ZNF792: variants seen among roughly 807,000 people sequenced by gnomAD.
The protein encoded by ZNF792 is zinc finger protein 792.
A neutral mutation model predicts 13.1 loss-of-function variants in ZNF792; 14 were observed. That is an observed-to-expected ratio of 1.07 (90% confidence interval 0.71 to 1.67). ZNF792 has a LOEUF of 1.67. Among genes scored for constraint, ZNF792 ranks in the 40% most tolerant of loss-of-function variants. The pLI, the probability that ZNF792 is intolerant of heterozygous loss-of-function variation, is 0.00. For missense variants in ZNF792, 740 were observed against 807.9 expected, an observed-to-expected ratio of 0.92 and a Z score of 1.02; for synonymous variants, 257 against 292.0, an observed-to-expected ratio of 0.88 and a Z score of 1.22.
rs1314644484 is a variant in ZNF792, at chr19:34,957,067, G to A, written c.*889C>T. On this transcript the variant is annotated 3_prime_UTR_variant, in exon 4 of 4. Transcript: ENST00000404801. The stretch of plus-strand genomic sequence containing the variant: ...TTCTGTACAAATTATGGTCCCAGCT[G>A]GGCCTGGTATGTCTTACAGTTAAGA... The A allele has an allele frequency of 6.6e-6, 1 of 152,176 alleles. No individual in the cohort carries two copies. The highest frequency in any genetic ancestry group is 1.5e-5 in the Non-Finnish European group (1 of 68,046). The allele number at this position is 152,176 out of a possible 1,614,324, so 9.4% of individuals were successfully genotyped here. A position where few individuals can be genotyped will look rare whatever the true frequency, so the allele number is the denominator to read the frequency against.
intron 1 of ZNF792, among the ~76,000 whole-genome samples, chr19:34,961,379 C>A (rs1298725880): frequency 6.6e-6 from 1 of 152,180 alleles, no homozygotes; most frequent in Non-Finnish European, 1.5e-5. Context: ...CAGCTCCAGA[C>A]CTTCACCACG....
At position 34,961,009 on chromosome 19, in the gene ZNF792, A is replaced by G; in HGVS notation, c.34-15T>C. ...GTCACGCAGCCCTGCCATGATGGGG[A>G]CAGTTCGTTCCATGATCAGTCTCTG... On this transcript the variant is annotated splice_polypyrimidine_tract_variant and intron_variant, in intron 1 of 3. Coordinates refer to ENST00000404801, the MANE Select transcript of ZNF792 (RefSeq NM_175872.5). The G allele has an allele frequency of 6.2e-7, 1 of 1,607,976 alleles. No homozygotes were observed. The highest frequency in any genetic ancestry group is 8.5e-7 in the Non-Finnish European group (1 of 1,176,314).
chr19:34,963,899 G>A lies in ZNF792; in HGVS notation c.-237C>T. 2 of 521,356 alleles carry A rather than the reference G, an allele frequency of 3.8e-6. No homozygotes were observed. Among genetic ancestry groups the A allele is most frequent in the South Asian group, 5.6e-5 (2 of 35,922 alleles). The allele number at this position is 521,356 out of a possible 1,614,324, so 32.3% of individuals were successfully genotyped here. ...TCCGCTGGGTACCCCCGTTGCAAGG[G>A]GTCACGGCTGGTGCAAAGGCGCGGA... On this transcript the variant is annotated 5_prime_UTR_variant, in exon 1 of 4. Coordinates refer to ENST00000404801, the MANE Select transcript of ZNF792 (RefSeq NM_175872.5).
chr19:34,958,366 G>A lies in ZNF792; in HGVS notation c.1489C>T (p.Arg497Trp), dbSNP rs200960200. 22 of 1,613,094 alleles carry A rather than the reference G, an allele frequency of 1.4e-5. No individual in the cohort carries two copies. The highest frequency in any genetic ancestry group is 4.5e-5 in the East Asian group (2 of 44,840). Reference sequence around the variant, plus strand: ...GGCCGTTCACCAGTGTGAAGTCTCCGATGGCTATTGAGGCTGGAGCTCTGG... The same window carrying A: ...GGCCGTTCACCAGTGTGAAGTCTCCAATGGCTATTGAGGCTGGAGCTCTGG... Reference protein sequence around the residue: ...FSQSSSLNSHRRLHTGERPYQ... With the variant: ...FSQSSSLNSHWRLHTGERPYQ... The change falls in exon 4 of 4, where the codon CGG (arginine) becomes TGG (tryptophan). Residue 497 changes from arginine (R) to tryptophan (W), a missense_variant. Physicochemically the swap from Arg to Trp is moderately radical, Grantham distance 101 (BLOSUM62 -3). Coordinates refer to ENST00000404801, the MANE Select transcript of ZNF792 (RefSeq NM_175872.5).
In ZNF792 at chr19:34,957,193, A is replaced by G. The variant is rs2013444251; in HGVS notation, c.*763T>C. 6.6e-6 allele frequency: 1 copy of G among 152,256 alleles called. No homozygotes were observed. The highest frequency in any genetic ancestry group is 6.5e-5 in the Admixed American group (1 of 15,286). The allele number at this position is 152,256 out of a possible 1,614,324, so 9.4% of individuals were successfully genotyped here. On this transcript the variant is annotated 3_prime_UTR_variant, in exon 4 of 4. Coordinates refer to ENST00000404801, the MANE Select transcript of ZNF792 (RefSeq NM_175872.5). ...GGGGAATATGGGGCACCCCCTGGGA[A>G]TAAGGGACCCAATTCATGCTGTTCC...
chr19:34,958,981 T>C lies in ZNF792; in HGVS notation c.874A>G (p.Thr292Ala), dbSNP rs1235438721. The change falls in exon 4 of 4, where the codon ACT (threonine) becomes GCT (alanine). Residue 292 changes from threonine (T) to alanine (A), a missense_variant. Coordinates refer to ENST00000404801, the MANE Select transcript of ZNF792 (RefSeq NM_175872.5). ...TGTTGAGTGAGGTCAGCGGCGTAAG[T>C]GAAGAAGATTCCACATTTGCTGCAT... ...YECSKCGIFF[T>A]YAADLTQHQK... 3.1e-6 allele frequency: 5 copies of C among 1,614,004 alleles called. No homozygotes were observed. Among genetic ancestry groups the C allele is most frequent in the Non-Finnish European group, 4.2e-6 (5 of 1,179,964 alleles).
In ZNF792 at chr19:34,963,816, G is replaced by A. The variant is rs1460234414; in HGVS notation, c.-154C>T. ...CGCACTCCTAGCCTCAGTCTCCCCC[G>A]TGCAAAATGCGCAAGGGGCCCGGGG... On this transcript the variant is annotated 5_prime_UTR_variant, in exon 1 of 4. In the 5' UTR this introduces an upstream ATG that the reference lacks. Coordinates refer to ENST00000404801, the MANE Select transcript of ZNF792 (RefSeq NM_175872.5). The A allele has an allele frequency of 2.1e-5, 18 of 872,758 alleles. No individual in the cohort carries two copies. Among genetic ancestry groups the A allele is most frequent in the Middle Eastern group, 3.5e-4 (1 of 2,872 alleles). 54.1% of individuals were successfully genotyped at this position (872,758 alleles called of 1,614,324 possible). A position where few individuals can be genotyped will look rare whatever the true frequency, so the allele number is the denominator to read the frequency against.
Position 34,963,994 on chromosome 19 carries a change from C to A in ZNF792, c.-332G>T, listed in dbSNP as rs993276417. The A allele has an allele frequency of 5.5e-5, 17 of 311,234 alleles. No individual in the cohort carries two copies. The highest frequency in any genetic ancestry group is 2.2e-4 in the African/African-American group (10 of 46,208). The allele number at this position is 311,234 out of a possible 1,614,324, so 19.3% of individuals were successfully genotyped here. On this transcript the variant is annotated 5_prime_UTR_variant, in exon 1 of 4. Transcript: ENST00000404801. ...GCGGGGCAGCTTCACGGGCGTAGCC[C>A]CAGCCGCCCCGCCCCCAACTCGGGG...
chr19:34,960,351 A>G lies in ZNF792; in HGVS notation c.167T>C (p.Ile56Thr), dbSNP rs751763098. The change falls in exon 3 of 4, where the codon ATA (isoleucine) becomes ACA (threonine). Residue 56 changes from isoleucine to threonine, a missense_variant. Coordinates refer to ENST00000404801, the MANE Select transcript of ZNF792 (RefSeq NM_175872.5). ...NFALIASLGL[I>T]SFRSHIVSQL... ...GGAAACGATGTGGGACCTGAAAGAT[A>G]TAAGTCCTAAGGGAAAGACAGAGTG... 8.1e-6 allele frequency: 13 copies of G among 1,612,920 alleles called. No homozygotes were observed. The highest frequency in any genetic ancestry group is 6.7e-5 in the Admixed American group (4 of 59,958).
chr19:34,961,164 G>A (rs2013523180), intron 1 of ZNF792, among the ~76,000 whole-genome samples, 170 bp from the exon 2 acceptor site: 1 of 152,112 alleles, frequency 6.6e-6, no homozygotes, highest in Non-Finnish European at 1.5e-5. Flanking sequence ...AACAGGCAGG[G>A]TGCAGAGAGG....
intron 2 of ZNF792, 58 bp downstream of exon 2, chr19:34,960,810 G>C: frequency 1.2e-6 from 2 of 1,612,524 alleles, no homozygotes; most frequent in Non-Finnish European, 1.7e-6. Context: ...CTGTTTCTTG[G>C]GCAAAGGGGA....
intron 2 of ZNF792, 121 bp downstream of exon 2, chr19:34,960,747 A>G: frequency 6.8e-7 from 1 of 1,479,650 alleles, no homozygotes; most frequent in Non-Finnish European, 9.3e-7. Context: ...CACACATACC[A>G]GGAAAGTGGG....
In ZNF792 at chr19:34,957,115, T is replaced by G. The variant is rs939059950; in HGVS notation, c.*841A>C. On this transcript the variant is annotated 3_prime_UTR_variant, in exon 4 of 4. Transcript: ENST00000404801. Reference sequence around the variant, plus strand: ...AGAGATACCTGCCTAATGCTGAACTTCAGGGCATATGGCTCCTTGGCAGGT... The same window carrying G: ...AGAGATACCTGCCTAATGCTGAACTGCAGGGCATATGGCTCCTTGGCAGGT... 1.3e-5 allele frequency: 2 copies of G among 152,248 alleles called. No homozygotes were observed. The highest frequency in any genetic ancestry group is 4.8e-5 in the African/African-American group (2 of 41,462). 9.4% of individuals were successfully genotyped at this position (152,248 alleles called of 1,614,324 possible). A position where few individuals can be genotyped will look rare whatever the true frequency, so the allele number is the denominator to read the frequency against.
In ZNF792 at chr19:34,957,743, G is replaced by C. The variant is rs117210705; in HGVS notation, c.*213C>G. The C allele has an allele frequency of 1.9e-6, 1 of 533,664 alleles. No homozygotes were observed. The highest frequency in any genetic ancestry group is 3.2e-6 in the Non-Finnish European group (1 of 309,276). The allele number at this position is 533,664 out of a possible 1,614,324, so 33.1% of individuals were successfully genotyped here. On this transcript the variant is annotated 3_prime_UTR_variant, in exon 4 of 4. Coordinates refer to ENST00000404801, the MANE Select transcript of ZNF792 (RefSeq NM_175872.5). ...GGAATGACATCTTCCCAAGGCTTCAGACTACTCCTAATTCCCTTTAGGGAT... is the reference window on the plus strand; with the variant it reads ...GGAATGACATCTTCCCAAGGCTTCACACTACTCCTAATTCCCTTTAGGGAT...
rs142589134 is a variant in ZNF792, at chr19:34,958,016, G to A, written c.1839C>T (p.Gly613=). ...EISSENRPYQ[G]AVNYKLKLVH... ...CAAGTTTCAACTTGTAGTTGACAGCGCCCTGATAAGGTCTGTTCTCAGAGC... is the reference window on the plus strand; with the variant it reads ...CAAGTTTCAACTTGTAGTTGACAGCACCCTGATAAGGTCTGTTCTCAGAGC... Residue 613 remains glycine (G), a synonymous_variant, in exon 4 of 4, where the codon GGC becomes GGT. Coordinates refer to ENST00000404801, the MANE Select transcript of ZNF792 (RefSeq NM_175872.5). 84 of 1,613,064 alleles carry A rather than the reference G, an allele frequency of 5.2e-5. No individual in the cohort carries two copies. The highest frequency in any genetic ancestry group is 1.7e-4 in the Middle Eastern group (1 of 6,056).
In ZNF792 at chr19:34,958,378, G is replaced by A; in HGVS notation, c.1477C>T (p.Leu493Phe). Reference sequence around the variant, plus strand: ...GTGTGAAGTCTCCGATGGCTATTGAGGCTGGAGCTCTGGCTAAATAACTTC... The same window carrying A: ...GTGTGAAGTCTCCGATGGCTATTGAAGCTGGAGCTCTGGCTAAATAACTTC... ...CGKLFSQSSSLNSHRRLHTGE... is the reference protein window; with the variant it reads ...CGKLFSQSSSFNSHRRLHTGE... The change falls in exon 4 of 4, where the codon CTC becomes TTC. Residue 493 changes from leucine to phenylalanine, a missense_variant. Transcript: ENST00000404801. The A allele has an allele frequency of 6.2e-7, 1 of 1,613,794 alleles. No homozygotes were observed. The highest frequency in any genetic ancestry group is 2.2e-5 in the East Asian group (1 of 44,876).
Position 34,958,824 on chromosome 19 carries a change from C to T in ZNF792, c.1031G>A (p.Gly344Glu). 1 of 1,612,510 alleles carries T rather than the reference C, an allele frequency of 6.2e-7. No homozygotes were observed. Among genetic ancestry groups the T allele is most frequent in the Non-Finnish European group, 8.5e-7 (1 of 1,178,754 alleles). ...GESPHVCGDC[G>E]KFFSRSSNLI... ...GTTGGAGCTTCGGCTGAAGAATTTC[C>T]CACAGTCACCACACACGTGAGGGCT... is the stretch of plus-strand genomic sequence containing the variant. Residue 344 changes from glycine to glutamate, a missense_variant, in exon 4 of 4, where the codon GGG becomes GAG. Transcript: ENST00000404801.
At chr19:34,960,572 C>A in intron 2 of ZNF792, 1 of 704,004 alleles carries the variant, frequency 1.4e-6, no homozygotes, top group Non-Finnish European at 2.3e-6. Context: ...ACTGTCAGAT[C>A]TGGATAATCA....
At chr19:34,960,146 C>A in intron 3 of ZNF792, 89 bp downstream of exon 3, 2 of 1,546,572 alleles carry the variant, frequency 1.3e-6, no homozygotes, top group South Asian at 1.2e-5. Context: ...GCATTGGTAT[C>A]AAATGATGAT....
Sources: gnomAD v4.1 joint callset for allele counts (sites outside exome capture counted in the v4.1 genomes callset) on GRCh38, gnomAD v4.1.1 for gene constraint, MANE v1.5 for transcripts, NCBI Gene and HGNC (gene_info 2026-07-23, HGNC 2026-07-21) for gene names.